TNS1: variants seen among roughly 807,000 people sequenced by gnomAD.
TNS1 encodes the protein tensin-1.
Under a neutral mutation model 168.6 loss-of-function variants are expected in TNS1, and 62 were observed. The observed-to-expected ratio is 0.37, with a 90% CI of 0.30 to 0.45. The LOEUF is 0.45. Ranked by LOEUF, TNS1 falls within the 20% of genes least tolerant of loss-of-function variation. The pLI is 1.00. For synonymous variants in TNS1, 934 were observed against 933.2 expected (o/e 1.00, Z -0.02); for missense variants, 2,240 against 2,339.4 (o/e 0.96, Z 0.88).
rs896597641 is a variant in TNS1 at position 217,815,225 on chromosome 2, G to A, written c.4643-227C>T. ...AGGAGAGGAGACAGAGATACACACA[G>A]GGGAGAGCACCATGGAAGGTGCAGG... On this transcript the variant is annotated intron_variant, in intron 24 of 32. Transcript: ENST00000682258. 2.4e-5 allele frequency: 13 copies of A among 537,764 alleles called. No individual in the cohort carries two copies. In the East Asian group the frequency reaches 3.6e-4, roughly 15 times the overall value. 33.3% of individuals were successfully genotyped at this position (537,764 alleles called of 1,614,324 possible).
At chr2:217,953,627 C>T (rs927584091) in intron 3 of TNS1, among the ~76,000 whole-genome samples, 3 of 152,136 alleles carry the variant, frequency 2.0e-5, no homozygotes, top group Non-Finnish European at 4.4e-5. Flanking sequence ...CCACTCCCAC[C>T]CACCTCACTG....
upstream of TNS1, among the ~76,000 whole-genome samples, chr2:218,011,031 C>A (rs144100368): frequency 6.4e-3 from 976 of 152,258 alleles, 12 homozygotes; most frequent in African/African-American, 0.022. Context: ...CAAAGAGCCC[C>A]CACAGGTTGG....
chr2:217,963,889 C>CAAAAAAAAAAAAAAAAAA (rs58953604), intron 3 of TNS1, among the ~76,000 whole-genome samples: 2 of 126,400 alleles, frequency 1.6e-5, no homozygotes, highest in African/African-American at 3.0e-5. Flanking sequence ...ACTAAAAATA[C>CAAAAAAAAAAAAAAAAAA]AAAAAAAAAA....
chr2:217,913,738 C>G (rs889383202), intron 4 of TNS1, among the ~76,000 whole-genome samples: 1 of 152,084 alleles, frequency 6.6e-6, no homozygotes, highest in African/African-American at 2.4e-5. Flanking sequence ...CCTCCAATAT[C>G]TGGCCCCTTC....
At chr2:217,894,343 C>A (rs1009174613) in intron 9 of TNS1, among the ~76,000 whole-genome samples, 13 of 152,150 alleles carry the variant, frequency 8.5e-5, no homozygotes, top group African/African-American at 2.7e-4. Context: ...CACACACAGC[C>A]CCCGAGCAAA....
chr2:217,902,763 G>C (rs932277340), intron 6 of TNS1, among the ~76,000 whole-genome samples: 1 of 152,206 alleles, frequency 6.6e-6, no homozygotes. Flanking sequence ...AGCCACCCTG[G>C]ACAGTGACCC....
At chr2:217,921,679 A>G (rs80312490) in intron 3 of TNS1, among the ~76,000 whole-genome samples, 1,950 of 152,280 alleles carry the variant, frequency 0.013, 51 homozygotes, top group African/African-American at 0.044. Flanking sequence ...GAGTCCTAGC[A>G]TTTATTCCTC....
Position 218,010,174 on chromosome 2 carries a change from AG to A in TNS1, c.21del (p.Phe8SerfsTer4), listed in dbSNP as rs1958693033. The A allele has an allele frequency of 5.0e-6, 2 of 398,992 alleles. No individual in the cohort carries two copies. 24.7% of individuals were successfully genotyped at this position (398,992 alleles called of 1,614,324 possible). On this transcript the variant is annotated frameshift_variant, in exon 1 of 33. Transcript: ENST00000646520. LOFTEE classifies it high-confidence loss of function. ...TTGCCCCATCGGATCACGCAGGAGA[AG>A]CACCAACTCAGCCGAGTCATGCTGA...
At chr2:217,807,359 T>C (rs1430178489) in intron 32 of TNS1, among the ~76,000 whole-genome samples, 1 of 152,236 alleles carries the variant, frequency 6.6e-6, no homozygotes, top group Non-Finnish European at 1.5e-5. Context: ...GAAAAAACCC[T>C]AGTTACTGCT....
intron 4 of TNS1, among the ~76,000 whole-genome samples, chr2:217,917,283 C>T (rs1464560813): frequency 6.6e-6 from 1 of 152,182 alleles, no homozygotes; most frequent in Non-Finnish European, 1.5e-5. Flanking sequence ...GGGCTGAATG[C>T]CTTCCTTCCA....
At chr2:217,966,307 G>A (rs1396569198) in intron 3 of TNS1, among the ~76,000 whole-genome samples, 2 of 132,064 alleles carry the variant, frequency 1.5e-5, no homozygotes, top group East Asian at 2.4e-4. Flanking sequence ...GTGTGTGTGT[G>A]TGCGCGCGCG....
At chr2:218,014,164 G>A (rs147797301), upstream of TNS1, among the ~76,000 whole-genome samples, 174 of 152,324 alleles carry the variant, frequency 1.1e-3, no homozygotes, top group African/African-American at 4.0e-3. Context: ...TCCTGTTAGG[G>A]AGAATCACTT....
chr2:217,957,402 G>A (rs1201418415), intron 3 of TNS1, among the ~76,000 whole-genome samples: 1 of 152,216 alleles, frequency 6.6e-6, no homozygotes, highest in Non-Finnish European at 1.5e-5. Flanking sequence ...ACAGGACGGT[G>A]GGACTGGCAG....
intron 18 of TNS1, chr2:217,858,700 A>ACACACACACACACACACACACAC (rs1212064824): frequency 4.2e-5 from 8 of 188,236 alleles, no homozygotes; most frequent in African/African-American, 1.8e-4. Flanking sequence ...ACACACACAC[A>ACACACACACACACACACACACAC]CCCCACTCCC....
At chr2:217,889,570 TG>T (rs1379173141) in intron 12 of TNS1, among the ~76,000 whole-genome samples, 1 of 152,238 alleles carries the variant, frequency 6.6e-6, no homozygotes, top group Non-Finnish European at 1.5e-5. Flanking sequence ...CCAGATCTCA[TG>T]TTACACGTCA....
intron 19 of TNS1, chr2:217,841,225 T>C (rs1000980): frequency 0.37 from 363,198 of 982,808 alleles, 70,325 homozygotes; most frequent in African/African-American, 0.67. Context: ...TTGGAGCCGG[T>C]GGAGAGGAGG....
intron 18 of TNS1, among the ~76,000 whole-genome samples, chr2:217,879,078 C>T (rs1950453328): frequency 6.6e-6 from 1 of 152,196 alleles, no homozygotes; most frequent in Non-Finnish European, 1.5e-5. Context: ...CCGCTCTCGG[C>T]TCTGCTGTCC....
intron 3 of TNS1, among the ~76,000 whole-genome samples, chr2:217,972,287 A>C (rs901017013): frequency 3.3e-5 from 5 of 152,212 alleles, no homozygotes; most frequent in Non-Finnish European, 7.3e-5. Context: ...CCAAAGTCCA[A>C]GAGCTTAAAC....
At chr2:217,903,459 C>G (rs1398995812) in intron 6 of TNS1, 9 of 1,173,726 alleles carry the variant, frequency 7.7e-6, no homozygotes, top group Non-Finnish European at 1.0e-5. Flanking sequence ...TGCCTGTAAT[C>G]CTATTCTTTT....
Sources: gnomAD v4.1 joint callset for allele counts (sites outside exome capture counted in the v4.1 genomes callset) on GRCh38, gnomAD v4.1.1 for gene constraint, MANE v1.5 for transcripts, NCBI Gene and HGNC (gene_info 2026-07-23, HGNC 2026-07-21) for gene names.